CNTN4: variants seen among roughly 807,000 people sequenced by gnomAD.
CNTN4 encodes contactin-4.
CNTN4 carries 77 observed loss-of-function variants against 122.5 expected under a neutral mutation model. The observed-to-expected ratio is 0.63, with a 90% CI of 0.52 to 0.76. The LOEUF is 0.76. Ranked by LOEUF, CNTN4 falls within the 30% of genes least tolerant of loss-of-function variation. The probability of loss-of-function intolerance (pLI) is 0.00; values close to 1 mark genes in which losing one functional copy is unlikely to be tolerated. For synonymous variants in CNTN4, 512 were observed against 447.0 expected (o/e 1.15, Z -1.83); for missense variants, 1,256 against 1,259.1 (o/e 1.00, Z 0.04).
rs1332087289 is a variant in CNTN4 at position 2,710,892 on chromosome 3, T to TG, written c.56-25323_56-25322insG. Among the ~76,000 whole-genome samples, 3 of 152,078 alleles carry TG rather than the reference T, an allele frequency of 2.0e-5. No individual in the cohort carries two copies. In the East Asian group the frequency reaches 5.8e-4, roughly 29 times the overall value. ...CTCTCAAAGAAGGCCAGTGTCTTCC[T>TG]TTTTTAACGTACAGCATGAAAATGT... On this transcript the variant is annotated intron_variant, in intron 4 of 24. Transcript: ENST00000418658.
Position 2,847,782 on chromosome 3 carries a change from G to A in CNTN4, c.455-18970G>A, listed in dbSNP as rs140684346. ...TCCTCTCCTGAATGTCCACCACCATGCATCAGAACAGATCATTTATAGAGA... is the reference window on the plus strand; with the variant it reads ...TCCTCTCCTGAATGTCCACCACCATACATCAGAACAGATCATTTATAGAGA... On this transcript the variant is annotated intron_variant, in intron 7 of 24. Coordinates refer to ENST00000418658, the MANE Select transcript of CNTN4 (RefSeq NM_175607.3). Among the ~76,000 whole-genome samples the A allele has an allele frequency of 7.0e-4, 106 of 152,254 alleles. No individual in the cohort carries two copies. The Middle Eastern group carries it at 0.01, about 15-fold the overall frequency.
chr3:2,211,047 G>A (rs1416269288), intron 2 of CNTN4, among the ~76,000 whole-genome samples: 2 of 152,168 alleles, frequency 1.3e-5, no homozygotes, highest in Admixed American at 1.3e-4. Flanking sequence ...AAGAAAAGAG[G>A]TTTAATTGGC....
At chr3:2,507,796 AATAAGG>A (rs1247563946) in intron 3 of CNTN4, among the ~76,000 whole-genome samples, 4 of 151,358 alleles carry the variant, frequency 2.6e-5, no homozygotes, top group Non-Finnish European at 5.9e-5. Flanking sequence ...TAGCCATTAA[AATAAGG>A]ATAAGTCAGT....
chr3:2,635,264 A>G (rs2082614370), intron 4 of CNTN4, among the ~76,000 whole-genome samples: 1 of 152,228 alleles, frequency 6.6e-6, no homozygotes, highest in Admixed American at 6.5e-5. Context: ...AAGAAAGATA[A>G]AAGTAAAGTC....
chr3:2,662,348 T>C (rs113895625), intron 4 of CNTN4, among the ~76,000 whole-genome samples: 16 of 152,324 alleles, frequency 1.1e-4, no homozygotes, highest in African/African-American at 3.8e-4. Flanking sequence ...CAGCAACAAC[T>C]ATGGTTCATA....
intron 2 of CNTN4, among the ~76,000 whole-genome samples, chr3:2,199,241 T>C (rs2037983341): frequency 6.6e-6 from 1 of 152,152 alleles, no homozygotes; most frequent in African/African-American, 2.4e-5. Context: ...GCATGAAGGA[T>C]TCTGTGACTC....
intron 6 of CNTN4, among the ~76,000 whole-genome samples, chr3:2,770,782 T>C (rs2091063252): frequency 6.6e-6 from 1 of 152,212 alleles, no homozygotes; most frequent in Non-Finnish European, 1.5e-5. Context: ...CAATGCTTAG[T>C]GTATGGTGAG....
intron 2 of CNTN4, among the ~76,000 whole-genome samples, chr3:2,200,906 A>G (rs1436759933): frequency 6.6e-6 from 1 of 152,156 alleles, no homozygotes; most frequent in African/African-American, 2.4e-5. Context: ...CTACAGCCAT[A>G]ATTTAAAATT....
intron 3 of CNTN4, among the ~76,000 whole-genome samples, chr3:2,349,057 C>T (rs2044509577): frequency 6.6e-6 from 1 of 152,104 alleles, no homozygotes; most frequent in Non-Finnish European, 1.5e-5. Flanking sequence ...TAATTATTTC[C>T]AGCTGAAGTC....
At chr3:2,408,650 A>C (rs1003714392) in intron 3 of CNTN4, among the ~76,000 whole-genome samples, 4 of 152,186 alleles carry the variant, frequency 2.6e-5, no homozygotes, top group African/African-American at 4.8e-5. Context: ...GAAAATTGGG[A>C]AATAATAAAG....
At chr3:2,375,505 G>A (rs954036673) in intron 3 of CNTN4, among the ~76,000 whole-genome samples, 1 of 152,196 alleles carries the variant, frequency 6.6e-6, no homozygotes, top group Non-Finnish European at 1.5e-5. Context: ...AGAAAAGGCC[G>A]CCTGGGTGCA....
chr3:2,438,474 A>C (rs565026219), intron 3 of CNTN4, among the ~76,000 whole-genome samples: 30 of 152,330 alleles, frequency 2.0e-4, no homozygotes, highest in African/African-American at 5.5e-4. Flanking sequence ...GTGAGCCAGG[A>C]TCAAGCCACT....
chr3:2,998,524 T>C (rs1048942715), intron 14 of CNTN4, among the ~76,000 whole-genome samples: 3 of 152,008 alleles, frequency 2.0e-5, no homozygotes, highest in African/African-American at 7.3e-5. Context: ...GAGTAGATAC[T>C]GATAAACAAA....
chr3:2,862,091 A>C (rs1048399827), intron 7 of CNTN4, among the ~76,000 whole-genome samples: 2 of 152,354 alleles, frequency 1.3e-5, no homozygotes, highest in Admixed American at 1.3e-4. Context: ...TGATATGTAA[A>C]ATTGAAAAAG....
intron 3 of CNTN4, among the ~76,000 whole-genome samples, chr3:2,515,917 T>TATATACAC (rs201184186): frequency 1.3e-5 from 2 of 152,022 alleles, no homozygotes; most frequent in African/African-American, 4.8e-5. Context: ...TATATATATA[T>TATATACAC]ACACACACAC....
intron 6 of CNTN4, among the ~76,000 whole-genome samples, chr3:2,759,803 T>C (rs1205893453): frequency 6.6e-6 from 1 of 152,200 alleles, no homozygotes; most frequent in Non-Finnish European, 1.5e-5. Flanking sequence ...ACCAACTGTA[T>C]GTAAGGCTTA....
intron 3 of CNTN4, among the ~76,000 whole-genome samples, chr3:2,481,033 T>TTTTCTTTTCTTTCTTTCTTTCTTTC (rs2075979435): frequency 8.3e-6 from 1 of 119,988 alleles, no homozygotes; most frequent in African/African-American, 3.5e-5. Flanking sequence ...TTTCTTTTTC[T>TTTTCTTTTCTTTCTTTCTTTCTTTC]TTTCTTTCTT....
At chr3:2,429,880 G>A (rs1257064137) in intron 3 of CNTN4, among the ~76,000 whole-genome samples, 2 of 152,168 alleles carry the variant, frequency 1.3e-5, no homozygotes, top group African/African-American at 4.8e-5. Context: ...GACCCTCCAA[G>A]CCACGCGCGG....
At chr3:2,727,276 C>A (rs2088296947) in intron 4 of CNTN4, among the ~76,000 whole-genome samples, 1 of 152,228 alleles carries the variant, frequency 6.6e-6, no homozygotes, top group South Asian at 2.1e-4. Flanking sequence ...TGGGTCAGCA[C>A]TGCATAATCA....
Sources: allele counts gnomAD v4.1 joint callset (sites outside exome capture counted in the v4.1 genomes callset), GRCh38; gene constraint gnomAD v4.1.1; transcripts MANE v1.5; gene names NCBI Gene and HGNC (gene_info 2026-07-23, HGNC 2026-07-21).